Variants in TSGA10IP observed in about 807,000 individuals in gnomAD.
The protein encoded by TSGA10IP is testis-specific protein 10-interacting protein.
In TSGA10IP, 64 loss-of-function variants were observed where a neutral mutation model predicts 63.2. The observed-to-expected ratio is 1.01, with a 90% CI of 0.83 to 1.25. The LOEUF is 1.25. Among genes scored for constraint, TSGA10IP ranks in the 50% most tolerant of loss-of-function variants. The pLI is 0.00. For synonymous variants in TSGA10IP, 316 were observed against 298.3 expected, an observed-to-expected ratio of 1.06 and a Z score of -0.61; for missense variants, 681 against 710.1, an observed-to-expected ratio of 0.96 and a Z score of 0.47.
At chr11:65,953,448 G>A (rs1196416238) in intron 4 of TSGA10IP, 119 bp from the exon 5 acceptor site, 3 of 1,341,704 alleles carry the variant, frequency 2.2e-6, no homozygotes, top group Non-Finnish European at 2.9e-6. Context: ...CCAGGACACT[G>A]GCTCTGGACA....
chr11:65,947,489 G>C (rs1355529361), exon 3 of TSGA10IP: 1 of 1,613,418 alleles, frequency 6.2e-7, no homozygotes. Context: ...AAGCCTGGGT[G>C]CTGAGGAGGC....
In TSGA10IP at chr11:65,946,445, T is replaced by G. The variant is rs1037555642; in HGVS notation, c.148-435T>G. ...GTCGGGTTTTTTTGTTTGTTTGTTT[T>G]TTTGAGATGGAGTTTCACTCTTGTT... On this transcript the variant is annotated intron_variant, in intron 1 of 7. Coordinates refer to ENST00000532620, the Ensembl canonical transcript of TSGA10IP. Among the ~76,000 whole-genome samples the G allele has an allele frequency of 5.9e-5, 9 of 152,194 alleles. No individual in the cohort carries two copies. In the East Asian group the frequency reaches 1.2e-3, roughly 20 times the overall value.
At position 65,947,839 on chromosome 11, in the gene TSGA10IP, G is replaced by A. The variant is rs1212413816; in HGVS notation, c.1003+11G>A. ...GAGACCTGGACTGTGGTGAGCGTGG[G>A]GCTCAGAGCCTGGATTCCCCCGAAG... On this transcript the variant is annotated intron_variant, in intron 3 of 7. Transcript: ENST00000532620. The A allele has an allele frequency of 6.5e-7, 1 of 1,537,570 alleles. No homozygotes were observed.
At position 65,947,848 on chromosome 11, in the gene TSGA10IP, C is replaced by A; in HGVS notation, c.1003+20C>A. ...ACTGTGGTGAGCGTGGGGCTCAGAG[C>A]CTGGATTCCCCCGAAGCTACACCGC... On this transcript the variant is annotated intron_variant, in intron 3 of 7. Coordinates refer to ENST00000532620, the Ensembl canonical transcript of TSGA10IP. 1 of 1,529,206 alleles carries A rather than the reference C, an allele frequency of 6.5e-7. No individual in the cohort carries two copies. Among genetic ancestry groups the A allele is most frequent in the Non-Finnish European group, 8.8e-7 (1 of 1,136,898 alleles). The allele number at this position is 1,529,206 out of a possible 1,614,324, so 94.7% of individuals were successfully genotyped here.
chr11:65,951,851 G>C (rs1854947405), intron 4 of TSGA10IP, among the ~76,000 whole-genome samples: 1 of 146,834 alleles, frequency 6.8e-6, no homozygotes, highest in African/African-American at 2.5e-5. Flanking sequence ...CTGACTCTTT[G>C]CCTTTTTTTT....
intron 5 of TSGA10IP, among the ~76,000 whole-genome samples, chr11:65,956,809 G>A (rs1411155374): frequency 6.6e-6 from 1 of 152,204 alleles, no homozygotes; most frequent in Non-Finnish European, 1.5e-5. Flanking sequence ...GATTACAGGC[G>A]TGAGCCACCG....
intron 1 of TSGA10IP, among the ~76,000 whole-genome samples, chr11:65,946,396 T>C (rs1314302345): frequency 2.6e-5 from 4 of 152,130 alleles, no homozygotes; most frequent in Non-Finnish European, 5.9e-5. Flanking sequence ...GCTATTTTAA[T>C]ATGCAGAACG....
chr11:65,947,539 C>A (rs1377375786), exon 3 of TSGA10IP: 1 of 1,613,742 alleles, frequency 6.2e-7, no homozygotes, highest in Admixed American at 1.7e-5. Context: ...CCCAGCGCCC[C>A]AGGAGGGGGT....
intron 4 of TSGA10IP, among the ~76,000 whole-genome samples, chr11:65,951,334 C>T (rs1854937877): frequency 2.0e-5 from 3 of 151,888 alleles, no homozygotes; most frequent in African/African-American, 7.3e-5. Flanking sequence ...AACAGAGATT[C>T]CCTTTTCTCC....
At chr11:65,946,770 G>A in intron 1 of TSGA10IP, 110 bp from the exon 2 acceptor site, 1 of 1,299,000 alleles carries the variant, frequency 7.7e-7, no homozygotes. Flanking sequence ...AGGGCCCAGA[G>A]GGACCCAGCC....
At chr11:65,954,200 C>T (rs1251523095) in intron 5 of TSGA10IP, among the ~76,000 whole-genome samples, 1 of 149,842 alleles carries the variant, frequency 6.7e-6, no homozygotes, top group Non-Finnish European at 1.5e-5. Context: ...GAGTCTCGCT[C>T]TGTCGCCCAG....
intron 5 of TSGA10IP, among the ~76,000 whole-genome samples, chr11:65,955,589 G>T (rs1196824487): frequency 6.6e-6 from 1 of 151,766 alleles, no homozygotes; most frequent in Non-Finnish European, 1.5e-5. Context: ...CTCCAGCCTG[G>T]GTGACAGAGA....
At chr11:65,945,962 G>A (rs1591111122) in intron 1 of TSGA10IP, 140 bp downstream of exon 1, 3 of 1,043,764 alleles carry the variant, frequency 2.9e-6, no homozygotes, top group Non-Finnish European at 4.1e-6. Flanking sequence ...AGTGGGACAG[G>A]GACCACAGGG....
At chr11:65,958,744 A>G in intron 5 of TSGA10IP, 139 bp from the exon 6 acceptor site, 1 of 699,780 alleles carries the variant, frequency 1.4e-6, no homozygotes, top group Non-Finnish European at 2.4e-6. Flanking sequence ...AATCCAGGCA[A>G]GAATGGGAAT....
At chr11:65,946,900 T>C in exon 2 of TSGA10IP, 2 of 1,613,802 alleles carry the variant, frequency 1.2e-6, no homozygotes, top group South Asian at 1.1e-5. Flanking sequence ...GGAGTGGTGA[T>C]GGTGTGCCAA....
intron 5 of TSGA10IP, among the ~76,000 whole-genome samples, chr11:65,955,044 T>G (rs1027159256): frequency 1.3e-5 from 2 of 152,230 alleles, no homozygotes; most frequent in African/African-American, 4.8e-5. Context: ...CCTAGGGGTG[T>G]GTTTTTTTAC....
chr11:65,959,709 A>G lies in TSGA10IP; in HGVS notation c.1548-108A>G, dbSNP rs1056710291. ...GAGAAGAGTCACTTTGCCCAGGATC[A>G]CACAGCAAGCCGGCACTGAAGCAGG... On this transcript the variant is annotated intron_variant, in intron 7 of 7. Coordinates refer to ENST00000532620, the Ensembl canonical transcript of TSGA10IP. The G allele has an allele frequency of 3.5e-6, 5 of 1,432,970 alleles. No homozygotes were observed. In the African/African-American group the frequency reaches 7.2e-5, roughly 21 times the overall value. 88.8% of individuals were successfully genotyped at this position (1,432,970 alleles called of 1,614,324 possible).
intron 4 of TSGA10IP, among the ~76,000 whole-genome samples, chr11:65,950,192 A>G (rs1185814515): frequency 4.0e-5 from 6 of 150,950 alleles, no homozygotes; most frequent in Non-Finnish European, 8.8e-5. Flanking sequence ...CTTAAAATCT[A>G]CTCTTTTATT....
At chr11:65,949,662 G>A (rs576228611) in intron 4 of TSGA10IP, among the ~76,000 whole-genome samples, 125 of 151,920 alleles carry the variant, frequency 8.2e-4, no homozygotes, top group Admixed American at 5.4e-3. Context: ...TGATCTGCCC[G>A]CCTCGGCCTC....
Sources: gnomAD v4.1 joint callset for allele counts (sites outside exome capture counted in the v4.1 genomes callset) on GRCh38, gnomAD v4.1.1 for gene constraint, MANE v1.5 for transcripts, NCBI Gene and HGNC (gene_info 2026-07-23, HGNC 2026-07-21) for gene names.